The following MBP variants were observed in gnomAD, a reference collection of about 807,000 sequenced individuals.
The protein encoded by MBP is myelin basic protein, also known as Golli-MBP.
MBP carries 16 observed loss-of-function variants against 35.8 expected under a neutral mutation model. That is an observed-to-expected ratio of 0.45 (90% CI 0.30 to 0.68). The LOEUF (loss-of-function observed/expected upper bound fraction) is 0.68, where lower values mean the gene tolerates loss of function less well. MBP is among the 30% of genes least tolerant of loss of function. MBP has a pLI of 0.08. For synonymous variants in MBP, 143 were observed against 159.6 expected (o/e 0.90, Z 0.78); for missense variants, 380 against 404.7 (o/e 0.94, Z 0.52).
intron 3 of MBP, among the ~76,000 whole-genome samples, chr18:77,031,354 G>A (rs186592896): frequency 3.9e-5 from 6 of 152,144 alleles, no homozygotes; most frequent in East Asian, 1.9e-4. Flanking sequence ...CTCACACCCC[G>A]TGTGGGCCAC....
Position 77,112,093 on chromosome 18 carries a change from G to A in MBP, c.-25-6807C>T, listed in dbSNP as rs182905970. Among the ~76,000 whole-genome samples the A allele has an allele frequency of 2.3e-3, 346 of 151,930 alleles. 3 individuals are homozygous for A. Among genetic ancestry groups the A allele is most frequent in the African/African-American group, 7.7e-3 (317 of 41,422 alleles). On this transcript the variant is annotated intron_variant, in intron 1 of 8. Coordinates refer to ENST00000355994, the MANE Select transcript of MBP (RefSeq NM_001025101.2). ...TATTTCTCAAACCAAAAGTATGATT[G>A]TAACACTCTGTGTTCGGAGCATAGT... is the stretch of plus-strand genomic sequence containing the variant.
chr18:77,045,630 C>G (rs1329480469), intron 3 of MBP, among the ~76,000 whole-genome samples: 1 of 152,220 alleles, frequency 6.6e-6, no homozygotes, highest in African/African-American at 2.4e-5. Context: ...CAGGAGTGCT[C>G]AGAATATTGA....
chr18:77,097,893 C>T (rs1360472288), intron 2 of MBP, among the ~76,000 whole-genome samples: 2 of 147,308 alleles, frequency 1.4e-5, no homozygotes, highest in South Asian at 2.3e-4. Flanking sequence ...GCAGCAGGTG[C>T]CCCAAATCAA....
chr18:77,027,689 A>G (rs1972277014), intron 3 of MBP, among the ~76,000 whole-genome samples: 1 of 152,136 alleles, frequency 6.6e-6, no homozygotes, highest in Non-Finnish European at 1.5e-5. Context: ...GACAGAAAAA[A>G]ATTATTTATT....
chr18:77,092,439 C>G (rs1317238204), intron 2 of MBP, among the ~76,000 whole-genome samples: 1 of 152,180 alleles, frequency 6.6e-6, no homozygotes, highest in East Asian at 1.9e-4. Flanking sequence ...GGGCCGCACT[C>G]AGCACCGCGC....
chr18:77,111,860 G>A (rs1196438969), intron 1 of MBP, among the ~76,000 whole-genome samples: 1 of 152,102 alleles, frequency 6.6e-6, no homozygotes, highest in Non-Finnish European at 1.5e-5. Context: ...AAATCCTGGA[G>A]AACAAATTTC....
At position 77,066,328 on chromosome 18, in the gene MBP, G is replaced by A. The variant is rs1242231426; in HGVS notation, c.109C>T (p.Arg37Trp). 9 of 1,614,032 alleles carry A rather than the reference G, an allele frequency of 5.6e-6. No homozygotes were observed. The highest frequency in any genetic ancestry group is 2.2e-5 in the East Asian group (1 of 44,890). The change falls in exon 3 of 9, where the codon CGG becomes TGG. Residue 37 changes from arginine to tryptophan, a missense_variant. By Grantham distance (101) the Arg-to-Trp change is moderately radical. Coordinates refer to ENST00000355994, the MANE Select transcript of MBP (RefSeq NM_001025101.2). ...ACTTCGTTGTCCTCTGAGGTTGTCCGTGAAAGTTCACCCAGGTTTCTCTTT... is the reference window on the plus strand; with the variant it reads ...ACTTCGTTGTCCTCTGAGGTTGTCCATGAAAGTTCACCCAGGTTTCTCTTT... Reference protein sequence around the residue: ...EKKRNLGELSRTTSEDNEVFG... With the variant: ...EKKRNLGELSWTTSEDNEVFG...
chr18:77,041,582 G>A (rs1972995311), intron 3 of MBP, among the ~76,000 whole-genome samples: 1 of 152,110 alleles, frequency 6.6e-6, no homozygotes, highest in African/African-American at 2.4e-5. Context: ...TATACACCAT[G>A]GAATACTATG....
chr18:77,043,611 C>G (rs1269095389), intron 3 of MBP, among the ~76,000 whole-genome samples: 4 of 152,238 alleles, frequency 2.6e-5, no homozygotes, highest in African/African-American at 9.6e-5. Flanking sequence ...GTGGACGTCT[C>G]TCTGCAAACG....
At chr18:77,074,717 C>A (rs1433120585) in intron 2 of MBP, among the ~76,000 whole-genome samples, 1 of 152,134 alleles carries the variant, frequency 6.6e-6, no homozygotes, top group Non-Finnish European at 1.5e-5. Flanking sequence ...GAAATCGATT[C>A]CCAGACACAG....
At chr18:77,026,206 C>T (rs1349047361) in intron 3 of MBP, among the ~76,000 whole-genome samples, 1 of 152,240 alleles carries the variant, frequency 6.6e-6, no homozygotes, top group African/African-American at 2.4e-5. Flanking sequence ...GCGCTTTTCA[C>T]GCTGGCTTGA....
At chr18:77,079,081 C>G (rs1011944049) in intron 2 of MBP, among the ~76,000 whole-genome samples, 8 of 152,256 alleles carry the variant, frequency 5.3e-5, no homozygotes, top group African/African-American at 9.6e-5. Context: ...AACGACCAAC[C>G]CTTTGAGTCC....
chr18:76,994,506 A>C (rs1363977586), intron 4 of MBP, among the ~76,000 whole-genome samples: 1 of 152,232 alleles, frequency 6.6e-6, no homozygotes, highest in South Asian at 2.1e-4. Context: ...GATTCAACGG[A>C]GCATTACATA....
At chr18:77,073,599 G>C (rs1321255451) in intron 2 of MBP, among the ~76,000 whole-genome samples, 1 of 152,242 alleles carries the variant, frequency 6.6e-6, no homozygotes, top group Non-Finnish European at 1.5e-5. Flanking sequence ...GCTCCGCAGG[G>C]AGACACTATA....
intron 3 of MBP, among the ~76,000 whole-genome samples, chr18:77,023,873 A>C (rs1599089521): frequency 6.6e-6 from 1 of 152,280 alleles, no homozygotes; most frequent in East Asian, 1.9e-4. Context: ...TGTTCTCTCC[A>C]GTCAAGTGAC....
At chr18:77,125,002 C>T (rs779543831) in intron 1 of MBP, among the ~76,000 whole-genome samples, 1 of 152,200 alleles carries the variant, frequency 6.6e-6, no homozygotes, top group Non-Finnish European at 1.5e-5. Flanking sequence ...GCCCACTCCT[C>T]TGAGGTCCCG....
chr18:76,994,976 T>A (rs1280544146), intron 4 of MBP, among the ~76,000 whole-genome samples: 1 of 152,226 alleles, frequency 6.6e-6, no homozygotes, highest in Non-Finnish European at 1.5e-5. Context: ...TTTGAGGCAG[T>A]CTTATATCTG....
chr18:76,993,446 G>C (rs558857339), intron 4 of MBP, among the ~76,000 whole-genome samples: 2 of 151,806 alleles, frequency 1.3e-5, no homozygotes, highest in Admixed American at 1.3e-4. Context: ...CAGCTTCAGG[G>C]GGCTGAGGCA....
At chr18:77,118,916 A>G (rs1296643992) in intron 1 of MBP, among the ~76,000 whole-genome samples, 1 of 151,622 alleles carries the variant, frequency 6.6e-6, no homozygotes, top group Non-Finnish European at 1.5e-5. Context: ...GCCACAACAC[A>G]CCACACACCC....
Sources: allele counts gnomAD v4.1 joint callset (sites outside exome capture counted in the v4.1 genomes callset), GRCh38; gene constraint gnomAD v4.1.1; transcripts MANE v1.5; gene names NCBI Gene and HGNC (gene_info 2026-07-23, HGNC 2026-07-21).